Variants in RYR2 observed in about 807,000 individuals in gnomAD.
RYR2 encodes the protein cardiac muscle ryanodine receptor-calcium release channel.
A neutral mutation model predicts 601.1 loss-of-function variants in RYR2; 227 were observed. That is an observed-to-expected ratio of 0.38 (90% CI 0.34 to 0.42). The LOEUF (loss-of-function observed/expected upper bound fraction) is 0.42, where lower values mean the gene tolerates loss of function less well. Among genes scored for constraint, RYR2 ranks in the 10% least tolerant of loss-of-function variants. The pLI is 1.00. For missense variants in RYR2, 4,646 were observed against 6,156.5 expected, an observed-to-expected ratio of 0.75 and a Z score of 8.21; for synonymous variants, 2,223 against 2,175.1, an observed-to-expected ratio of 1.02 and a Z score of -0.61.
chr1:237,604,220 G>A (rs1676842875), intron 35 of RYR2, among the ~76,000 whole-genome samples: 1 of 152,212 alleles, frequency 6.6e-6, no homozygotes. Flanking sequence ...ATAACAAACT[G>A]TCTCTCAGAC....
rs745329806 is a variant in RYR2, at chr1:237,500,913, T to C, written c.2396+10T>C. ...TCTCTGCAGGAATAAAGTTAGTATG[T>C]CTATGTTTTTTGGTCTCTTTCCTTT... On this transcript the variant is annotated intron_variant, in intron 21 of 104. Coordinates refer to ENST00000366574, the MANE Select transcript of RYR2 (RefSeq NM_001035.3). 34 of 1,613,044 alleles carry C rather than the reference T, an allele frequency of 2.1e-5. No homozygotes were observed. Among genetic ancestry groups the C allele is most frequent in the Admixed American group, 1.5e-4 (9 of 59,994 alleles).
intron 100 of RYR2, among the ~76,000 whole-genome samples, chr1:237,810,879 G>A (rs1051372911): frequency 2.6e-5 from 4 of 152,038 alleles, no homozygotes; most frequent in African/African-American, 9.7e-5. Flanking sequence ...GATCCTAATT[G>A]TGTGAAATTA....
chr1:237,426,106 G>A (rs1296234753), intron 12 of RYR2, among the ~76,000 whole-genome samples: 1 of 151,808 alleles, frequency 6.6e-6, no homozygotes, highest in African/African-American at 2.4e-5. Flanking sequence ...AATAAGGTGT[G>A]GGGAGACCAG....
intron 27 of RYR2, among the ~76,000 whole-genome samples, chr1:237,562,886 G>A (rs989387715): frequency 6.6e-5 from 10 of 152,086 alleles, no homozygotes; most frequent in Non-Finnish European, 1.2e-4. Context: ...AAGAGTCTTC[G>A]TTTCTAGATA....
At chr1:237,714,536 A>G (rs1375727038) in intron 71 of RYR2, among the ~76,000 whole-genome samples, 1 of 152,152 alleles carries the variant, frequency 6.6e-6, no homozygotes, top group Non-Finnish European at 1.5e-5. Flanking sequence ...TTTGAAGAAG[A>G]GTCTGTTTGA....
At chr1:237,087,928 C>T (rs899834135) in intron 1 of RYR2, among the ~76,000 whole-genome samples, 2 of 152,168 alleles carry the variant, frequency 1.3e-5, no homozygotes, top group African/African-American at 4.8e-5. Context: ...ACAATTAGTT[C>T]TCTGTGCATG....
chr1:237,064,443 G>A (rs17668834), intron 1 of RYR2, among the ~76,000 whole-genome samples: 23,216 of 151,778 alleles, frequency 0.15, 2,437 homozygotes, highest in Middle Eastern at 0.25. Flanking sequence ...TCACATTTAC[G>A]TTTGTTTCTC....
intron 16 of RYR2, among the ~76,000 whole-genome samples, chr1:237,468,703 T>A (rs891379644): frequency 6.6e-6 from 1 of 152,190 alleles, no homozygotes; most frequent in African/African-American, 2.4e-5. Flanking sequence ...CTCTTTTTAT[T>A]CTATAGGTAA....
Position 237,614,042 on chromosome 1 carries a change from T to C in RYR2, c.4914T>C (p.Ser1638=), listed in dbSNP as rs2148593032. The change falls in exon 37 of 105, where the codon TCT becomes TCC. Residue 1638 remains serine (S), a synonymous_variant. Coordinates refer to ENST00000366574, the MANE Select transcript of RYR2 (RefSeq NM_001035.3). This position sits in a 1 kb window ranked among gnomAD's most constrained non-coding sequence, Gnocchi z 4.3. ...MSLHIPEENR[S]VDILELTEQE... is the part of the protein sequence containing the mutation. ...ACCACTCTCCTCCCTTCTACAGATC[T>C]GTTGACATCTTAGAGTTGACAGAGC... The C allele has an allele frequency of 6.2e-7, 1 of 1,610,952 alleles. No individual in the cohort carries two copies. The highest frequency in any genetic ancestry group is 8.5e-7 in the Non-Finnish European group (1 of 1,177,450).
chr1:237,264,176 C>A (rs1350476855), intron 1 of RYR2, among the ~76,000 whole-genome samples: 2 of 152,112 alleles, frequency 1.3e-5, no homozygotes, highest in South Asian at 4.2e-4. Flanking sequence ...ATTATATCCC[C>A]CTCTTCCACT....
intron 1 of RYR2, among the ~76,000 whole-genome samples, chr1:237,113,065 AC>A (rs1442402028): frequency 2.0e-5 from 3 of 152,156 alleles, no homozygotes; most frequent in African/African-American, 7.2e-5. Context: ...GGAATTGAGA[AC>A]AAAACCCAGC....
At chr1:237,794,033 A>C in intron 95 of RYR2, 36 bp downstream of exon 95, 1 of 1,572,818 alleles carries the variant, frequency 6.4e-7, no homozygotes, top group Non-Finnish European at 8.7e-7. Context: ...TCTGCACTCA[A>C]AAATTTCAGA....
At chr1:237,326,349 A>G (rs1696173066) in intron 2 of RYR2, among the ~76,000 whole-genome samples, 1 of 152,096 alleles carries the variant, frequency 6.6e-6, no homozygotes, top group African/African-American at 2.4e-5. Flanking sequence ...CAAAGTATAT[A>G]TATTCTGATA....
chr1:237,586,423 T>C (rs1026119382), intron 29 of RYR2, among the ~76,000 whole-genome samples: 3 of 152,224 alleles, frequency 2.0e-5, no homozygotes, highest in African/African-American at 7.2e-5. Flanking sequence ...AGATCTAACT[T>C]TAAAACTATA....
intron 24 of RYR2, among the ~76,000 whole-genome samples, chr1:237,522,076 C>T (rs901759709): frequency 2.0e-5 from 3 of 152,088 alleles, no homozygotes; most frequent in East Asian, 1.9e-4. Flanking sequence ...CCCATTAACT[C>T]GTCATTTAAC....
At chr1:237,319,619 A>G (rs1695429983) in intron 2 of RYR2, among the ~76,000 whole-genome samples, 1 of 152,068 alleles carries the variant, frequency 6.6e-6, no homozygotes, top group Non-Finnish European at 1.5e-5. Context: ...CTATTCCTTC[A>G]TAGCTTAGAG....
chr1:237,481,781 C>T (rs1662119552), intron 17 of RYR2, among the ~76,000 whole-genome samples: 1 of 144,616 alleles, frequency 6.9e-6, no homozygotes, highest in African/African-American at 2.7e-5. Flanking sequence ...CAGATTCTTT[C>T]CCTTACAGCC....
chr1:237,426,855 G>A lies in RYR2; in HGVS notation c.1005+3607G>A, dbSNP rs141863784. On this transcript the variant is annotated intron_variant, in intron 12 of 104. Coordinates refer to ENST00000366574, the MANE Select transcript of RYR2 (RefSeq NM_001035.3). ...TCATGCCCACTGCATTCCAGCCTGG[G>A]CAACACAGTGAGACCAAGACTTTAT... Among the ~76,000 whole-genome samples, 1,299 of 152,162 alleles carry A rather than the reference G, an allele frequency of 8.5e-3. 27 individuals carry two copies. Among genetic ancestry groups the A allele is most frequent in the African/African-American group, 0.03 (1,248 of 41,518 alleles).
intron 1 of RYR2, among the ~76,000 whole-genome samples, chr1:237,130,909 A>T (rs1672098916): frequency 6.6e-6 from 1 of 152,140 alleles, no homozygotes; most frequent in South Asian, 2.1e-4. Context: ...ATGGGAAAGG[A>T]ATTCTGAGAA....
Sources: allele counts gnomAD v4.1 joint callset (sites outside exome capture counted in the v4.1 genomes callset), GRCh38; gene constraint gnomAD v4.1.1; non-coding constraint Gnocchi (gnomAD v3.1); transcripts MANE v1.5; gene names NCBI Gene and HGNC (gene_info 2026-07-23, HGNC 2026-07-21).